RFTN1: variants seen among roughly 807,000 people sequenced by gnomAD.
RFTN1 encodes the protein raftlin.
RFTN1 carries 26 observed loss-of-function variants against 46.5 expected under a neutral mutation model. The observed-to-expected ratio is 0.56, with a 90% confidence interval of 0.41 to 0.78. The LOEUF is 0.78. RFTN1 is among the 30% of genes least tolerant of loss of function. The pLI is 0.00. For synonymous variants in RFTN1, 261 were observed against 284.2 expected, an observed-to-expected ratio of 0.92 and a Z score of 0.82; for missense variants, 693 against 718.7, an observed-to-expected ratio of 0.96 and a Z score of 0.41.
At position 16,380,871 on chromosome 3, in the gene RFTN1, T is replaced by C. The variant is rs143363290; in HGVS notation, c.442-2769A>G. On this transcript the variant is annotated intron_variant, in intron 4 of 9. Transcript: ENST00000334133. This position sits in a 1 kb window ranked among gnomAD's most constrained non-coding sequence, Gnocchi z 4.8. ...AATATCTGTTGAATGAATGAATATA[T>C]TAAATAATGGATGAATATGTATGCC... Among the ~76,000 whole-genome samples the C allele has an allele frequency of 3.4e-3, 524 of 152,284 alleles. No homozygotes were observed. The highest frequency in any genetic ancestry group is 0.012 in the African/African-American group (508 of 41,542).
At chr3:16,503,202 C>T (rs2076742924) in intron 1 of RFTN1, among the ~76,000 whole-genome samples, 1 of 152,146 alleles carries the variant, frequency 6.6e-6, no homozygotes, top group Non-Finnish European at 1.5e-5. Context: ...AAAATAGCTC[C>T]CACTCAGAAC....
intron 4 of RFTN1, among the ~76,000 whole-genome samples, chr3:16,394,230 A>G (rs2074417665): frequency 6.6e-6 from 1 of 152,140 alleles, no homozygotes; most frequent in Admixed American, 6.5e-5. Context: ...TAAAAAAATT[A>G]GCTGGGTGTG....
intron 4 of RFTN1, among the ~76,000 whole-genome samples, chr3:16,408,798 A>G (rs7639137): frequency 0.42 from 61,222 of 146,144 alleles, 12,932 homozygotes; most frequent in East Asian, 0.56. Context: ...AAGAGAGAAC[A>G]AGATAAGCAT....
rs1237514808 is a variant in RFTN1, at chr3:16,380,905, C to T, written c.442-2803G>A. Among the ~76,000 whole-genome samples, 2 of 152,112 alleles carry T rather than the reference C, an allele frequency of 1.3e-5. No homozygotes were observed. Among genetic ancestry groups the T allele is most frequent in the Admixed American group, 6.6e-5 (1 of 15,264 alleles). On this transcript the variant is annotated intron_variant, in intron 4 of 9. Coordinates refer to ENST00000334133, the MANE Select transcript of RFTN1 (RefSeq NM_015150.2). This position sits in a 1 kb window ranked among gnomAD's most constrained non-coding sequence, Gnocchi z 4.8. ...GGATGAATATGTATGCCTTCTCTCC[C>T]GAAATGAGCTCCTTGAAGGTAGGGA... is the stretch of plus-strand genomic sequence containing the variant.
In RFTN1 at chr3:16,451,732, AT is replaced by A. The variant is rs1053460425; in HGVS notation, c.146-17696del. Among the ~76,000 whole-genome samples the A allele has an allele frequency of 5.3e-5, 8 of 151,664 alleles. No individual in the cohort carries two copies. Among genetic ancestry groups the A allele is most frequent in the South Asian group, 2.1e-4 (1 of 4,776 alleles). The stretch of plus-strand genomic sequence containing the variant: ...GTGTGACAGCAAAACTACTAGCGTG[AT>A]TTTTTTTTCCTTCCTCACAATTTCA... On this transcript the variant is annotated intron_variant, in intron 2 of 9. Transcript: ENST00000334133. This position sits in a 1 kb window ranked among gnomAD's most constrained non-coding sequence, Gnocchi z 4.2.
At chr3:16,463,996 T>G (rs2076048700) in intron 2 of RFTN1, among the ~76,000 whole-genome samples, 1 of 151,714 alleles carries the variant, frequency 6.6e-6, no homozygotes. Context: ...CCTCCCAACC[T>G]CCAAAAGCAG....
chr3:16,324,276 T>G (rs1040043700), intron 8 of RFTN1, among the ~76,000 whole-genome samples: 1 of 152,222 alleles, frequency 6.6e-6, no homozygotes, highest in Non-Finnish European at 1.5e-5. Context: ...TACTTAGCAC[T>G]TTTTGTGGTG....
chr3:16,330,170 A>G (rs2070167946), intron 7 of RFTN1, among the ~76,000 whole-genome samples: 1 of 152,236 alleles, frequency 6.6e-6, no homozygotes, highest in Non-Finnish European at 1.5e-5. Context: ...TGAAGGTTCA[A>G]TCTCACGTGT....
Position 16,473,402 on chromosome 3 carries a change from CTT to C in RFTN1, c.145+20321_145+20322del, listed in dbSNP as rs5846924. On this transcript the variant is annotated intron_variant, in intron 2 of 9. Transcript: ENST00000334133. This position sits in a 1 kb window ranked among gnomAD's most constrained non-coding sequence, Gnocchi z 5.3. ...AAATACTCTGTTTTCTTTCTTTTTT[CTT>C]TTTTTTTTTTTCCTGAGATAGAGTC... Among the ~76,000 whole-genome samples, 1 of 144,758 alleles carries C rather than the reference CTT, an allele frequency of 6.9e-6. No individual in the cohort carries two copies. The highest frequency in any genetic ancestry group is 2.5e-5 in the African/African-American group (1 of 39,570). 95.0% of individuals were successfully genotyped at this position (144,758 alleles called of 152,430 possible).
chr3:16,462,700 G>T (rs984852249), intron 2 of RFTN1, among the ~76,000 whole-genome samples: 4 of 152,258 alleles, frequency 2.6e-5, no homozygotes, highest in African/African-American at 9.6e-5. Context: ...CTGGCCTCCA[G>T]AGCTCCAAGA....
chr3:16,391,857 G>A lies in RFTN1; in HGVS notation c.442-13755C>T, dbSNP rs996956332. Among the ~76,000 whole-genome samples the A allele has an allele frequency of 5.4e-5, 6 of 110,156 alleles. No individual in the cohort carries two copies. In the Admixed American group the frequency reaches 5.6e-4, roughly 10 times the overall value. The allele number at this position is 110,156 out of a possible 152,430, so 72.3% of individuals were successfully genotyped here. On this transcript the variant is annotated intron_variant, in intron 4 of 9. Transcript: ENST00000334133. ...CTAGAGATTATCATTCTAGTGCAAA[G>A]GTTTTTTTTTTGTTTTTTTTTTTTG...
intron 4 of RFTN1, among the ~76,000 whole-genome samples, chr3:16,388,119 C>T (rs993436467): frequency 6.6e-6 from 1 of 152,218 alleles, no homozygotes; most frequent in African/African-American, 2.4e-5. Context: ...ACTCCTGACA[C>T]CTTCACAAGT....
intron 3 of RFTN1, among the ~76,000 whole-genome samples, chr3:16,414,805 C>A (rs2075043962): frequency 6.6e-6 from 1 of 152,012 alleles, no homozygotes. Flanking sequence ...GCAGAGGGAA[C>A]AACAGCTCAT....
chr3:16,406,680 A>G (rs12487648), intron 4 of RFTN1, among the ~76,000 whole-genome samples: 11,608 of 152,274 alleles, frequency 0.076, 530 homozygotes, highest in Middle Eastern at 0.15. Flanking sequence ...TAATGTTGTC[A>G]ATAGGTTCTT....
chr3:16,500,446 G>T lies in RFTN1; in HGVS notation c.-8-6569C>A, dbSNP rs2076692731. Among the ~76,000 whole-genome samples, 1 of 152,186 alleles carries T rather than the reference G, an allele frequency of 6.6e-6. No individual in the cohort carries two copies. Among genetic ancestry groups the T allele is most frequent in the South Asian group, 2.1e-4 (1 of 4,824 alleles). On this transcript the variant is annotated intron_variant, in intron 1 of 9. Transcript: ENST00000334133. This position sits in a 1 kb window ranked among gnomAD's most constrained non-coding sequence, Gnocchi z 5.9. Reference sequence around the variant, plus strand: ...TTCAAAGGTAGAGGAAATGGAAGAGGTCTTTCCCCATTTCTATGGTGAAAC... The same window carrying T: ...TTCAAAGGTAGAGGAAATGGAAGAGTTCTTTCCCCATTTCTATGGTGAAAC...
chr3:16,359,696 C>T (rs190461497), intron 6 of RFTN1, among the ~76,000 whole-genome samples: 1 of 152,202 alleles, frequency 6.6e-6, no homozygotes, highest in East Asian at 1.9e-4. Context: ...GTTGTTTAAG[C>T]CACGCAGTGT....
chr3:16,482,817 C>T lies in RFTN1; in HGVS notation c.145+10908G>A, dbSNP rs1405306649. 13 of 1,536,060 alleles carry T rather than the reference C, an allele frequency of 8.5e-6. No individual in the cohort carries two copies. In the South Asian group the frequency reaches 1.1e-4, roughly 13 times the overall value. On this transcript the variant is annotated intron_variant, in intron 2 of 9. Coordinates refer to ENST00000334133, the MANE Select transcript of RFTN1 (RefSeq NM_015150.2). Reference sequence around the variant, plus strand: ...GGATCCCCAGAGAGGCCAGGGAGGGCGCAGGGGCAGAACAGCCTTTCTGCC... The same window carrying T: ...GGATCCCCAGAGAGGCCAGGGAGGGTGCAGGGGCAGAACAGCCTTTCTGCC...
At chr3:16,394,127 G>A (rs1037618893) in intron 4 of RFTN1, among the ~76,000 whole-genome samples, 1 of 152,086 alleles carries the variant, frequency 6.6e-6, no homozygotes, top group Non-Finnish European at 1.5e-5. Context: ...AGTACTTTGG[G>A]AGGCCAGGAT....
Position 16,451,805 on chromosome 3 carries a change from A to G in RFTN1, c.146-17768T>C, listed in dbSNP as rs754000910. ...CCTTAGATCTTAGCAACTTCAGCAT[A>G]TGAGTTTTCTTCTTTCTCACTTAAA... On this transcript the variant is annotated intron_variant, in intron 2 of 9. Coordinates refer to ENST00000334133, the MANE Select transcript of RFTN1 (RefSeq NM_015150.2). This position sits in a 1 kb window ranked among gnomAD's most constrained non-coding sequence, Gnocchi z 4.2. Among the ~76,000 whole-genome samples the G allele has an allele frequency of 1.3e-5, 2 of 152,146 alleles. No individual in the cohort carries two copies. Among genetic ancestry groups the G allele is most frequent in the Non-Finnish European group, 2.9e-5 (2 of 68,030 alleles).
Sources: allele counts gnomAD v4.1 joint callset (sites outside exome capture counted in the v4.1 genomes callset), GRCh38; gene constraint gnomAD v4.1.1; non-coding constraint Gnocchi (gnomAD v3.1); transcripts MANE v1.5; gene names NCBI Gene and HGNC (gene_info 2026-07-23, HGNC 2026-07-21).